The following PLD5 variants were observed in gnomAD, a reference collection of about 807,000 sequenced individuals.
PLD5 encodes inactive phospholipase D5.
Under a neutral mutation model 61.1 loss-of-function variants are expected in PLD5, and 36 were observed. That is an observed-to-expected ratio of 0.59 (90% confidence interval 0.45 to 0.78). PLD5 has a LOEUF of 0.78. PLD5 is among the 30% of genes least tolerant of loss of function. The probability of loss-of-function intolerance (pLI) is 0.00; values close to 1 mark genes in which losing one functional copy is unlikely to be tolerated. For synonymous variants in PLD5, 243 were observed against 242.8 expected, an observed-to-expected ratio of 1.00 and a Z score of -0.01; for missense variants, 515 against 644.4, an observed-to-expected ratio of 0.80 and a Z score of 2.17.
chr1:242,321,632 C>T (rs1658417504), intron 2 of PLD5, among the ~76,000 whole-genome samples: 1 of 151,606 alleles, frequency 6.6e-6, no homozygotes, highest in Non-Finnish European at 1.5e-5. Flanking sequence ...TAGCTGCTAC[C>T]TTTGCCAGCC....
intron 1 of PLD5, among the ~76,000 whole-genome samples, chr1:242,477,956 G>A (rs1433305903): frequency 6.6e-6 from 1 of 152,180 alleles, no homozygotes; most frequent in African/African-American, 2.4e-5. Flanking sequence ...TGGGTGGACG[G>A]TATCAACCTC....
chr1:242,201,630 T>G lies in PLD5; in HGVS notation c.735+18358A>C, dbSNP rs904499829. 2.6e-5 allele frequency among the ~76,000 whole-genome samples: 4 copies of G among 152,282 alleles called. No homozygotes were observed. In the South Asian group the frequency reaches 8.3e-4, roughly 32 times the overall value. On this transcript the variant is annotated intron_variant, in intron 5 of 9. Coordinates refer to ENST00000536534, the MANE Select transcript of PLD5 (RefSeq NM_001372062.1). ...TTAAACTTCCGGGTTCAAGTGATCC[T>G]CTTACCTCAGCCTCCTGAATAGCAG...
intron 5 of PLD5, among the ~76,000 whole-genome samples, chr1:242,170,631 C>T (rs147666226): frequency 3.3e-5 from 5 of 152,190 alleles, no homozygotes; most frequent in African/African-American, 1.2e-4. Context: ...CATGTTCTAA[C>T]CCAATGCAAG....
chr1:242,415,970 T>A (rs1464317532), intron 1 of PLD5, among the ~76,000 whole-genome samples: 3 of 152,178 alleles, frequency 2.0e-5, no homozygotes, highest in African/African-American at 7.2e-5. Flanking sequence ...AAATTTAACA[T>A]AAACCAAAAC....
At chr1:242,342,116 A>C (rs867768456) in intron 2 of PLD5, among the ~76,000 whole-genome samples, 3 of 152,288 alleles carry the variant, frequency 2.0e-5, no homozygotes, top group Middle Eastern at 6.8e-3. Context: ...TAATTTCCAT[A>C]TTGTCATGAG....
intron 1 of PLD5, among the ~76,000 whole-genome samples, chr1:242,444,964 C>A (rs1420610235): frequency 6.6e-6 from 1 of 151,912 alleles, no homozygotes; most frequent in African/African-American, 2.4e-5. Flanking sequence ...ACTATATAGA[C>A]CCTCAGCTTT....
intron 2 of PLD5, among the ~76,000 whole-genome samples, chr1:242,295,366 C>A (rs1675596403): frequency 6.6e-6 from 1 of 152,216 alleles, no homozygotes; most frequent in Admixed American, 6.5e-5. Context: ...TTGTTTAGCT[C>A]TCACGTGTAA....
At chr1:242,526,553 A>G (rs1416407053), upstream of PLD5, among the ~76,000 whole-genome samples, 1 of 152,116 alleles carries the variant, frequency 6.6e-6, no homozygotes, top group Non-Finnish European at 1.5e-5. Flanking sequence ...CTCCTGCTTC[A>G]ACCTCCCGAG....
intron 5 of PLD5, among the ~76,000 whole-genome samples, chr1:242,191,812 C>T (rs150521303): frequency 6.7e-6 from 1 of 149,082 alleles, no homozygotes; most frequent in African/African-American, 2.5e-5. Flanking sequence ...AACAGAGGTA[C>T]AGAGAGAATG....
At chr1:242,226,333 G>A (rs1302185318) in intron 4 of PLD5, among the ~76,000 whole-genome samples, 1 of 152,132 alleles carries the variant, frequency 6.6e-6, no homozygotes, top group Non-Finnish European at 1.5e-5. Context: ...TAGTGGCTGC[G>A]CACAGCTGCT....
chr1:242,261,180 G>C (rs1462539081), intron 4 of PLD5, among the ~76,000 whole-genome samples: 1 of 152,206 alleles, frequency 6.6e-6, no homozygotes, highest in African/African-American at 2.4e-5. Context: ...GGATAAACAA[G>C]TAGACTGAGA....
intron 5 of PLD5, among the ~76,000 whole-genome samples, chr1:242,172,104 T>G (rs1666796330): frequency 6.6e-6 from 1 of 152,226 alleles, no homozygotes; most frequent in Admixed American, 6.5e-5. Context: ...TCATTGCACT[T>G]ATTCTAAAAT....
chr1:242,333,291 T>A (rs1659301702), intron 2 of PLD5, among the ~76,000 whole-genome samples: 1 of 152,230 alleles, frequency 6.6e-6, no homozygotes, highest in African/African-American at 2.4e-5. Flanking sequence ...AGGCTTCAGA[T>A]GAATTTGGGC....
intron 1 of PLD5, among the ~76,000 whole-genome samples, chr1:242,486,047 C>T (rs1051286140): frequency 1.1e-4 from 17 of 151,876 alleles, no homozygotes; most frequent in Non-Finnish European, 2.4e-4. Flanking sequence ...TTCCTTACAC[C>T]TTATACAAAA....
At chr1:242,204,956 T>C (rs1669234401) in intron 5 of PLD5, among the ~76,000 whole-genome samples, 1 of 152,226 alleles carries the variant, frequency 6.6e-6, no homozygotes, top group Non-Finnish European at 1.5e-5. Flanking sequence ...AGTGCGTATG[T>C]TACTGAAAGC....
chr1:242,526,175 G>A (rs768181115), upstream of PLD5, among the ~76,000 whole-genome samples: 28 of 152,126 alleles, frequency 1.8e-4, 1 homozygote, highest in Non-Finnish European at 2.9e-5. Flanking sequence ...GGAGGAGGCA[G>A]GAGGATCACT....
intron 4 of PLD5, among the ~76,000 whole-genome samples, chr1:242,258,327 A>G (rs1260530162): frequency 6.6e-6 from 1 of 152,198 alleles, no homozygotes; most frequent in African/African-American, 2.4e-5. Context: ...ACTATAAAGA[A>G]GCCCTGTTGC....
rs199600845 is a variant in PLD5, at chr1:242,154,824, T to TGTCA, written c.736-30163_736-30160dup. ...AATTTTCATTTTTTTGTTTTGTCTC[T>TGTCA]GTCAGGTTTTGGTATAAGGATGATA... On this transcript the variant is annotated intron_variant, in intron 5 of 9. Transcript: ENST00000536534. Among the ~76,000 whole-genome samples, 8 of 152,246 alleles carry TGTCA rather than the reference T, an allele frequency of 5.3e-5. No homozygotes were observed. In the East Asian group the frequency reaches 1.5e-3, roughly 29 times the overall value.
At chr1:242,369,594 G>A (rs1057028618) in intron 1 of PLD5, among the ~76,000 whole-genome samples, 2 of 152,186 alleles carry the variant, frequency 1.3e-5, no homozygotes, top group Admixed American at 6.5e-5. Flanking sequence ...ATTGACAGTG[G>A]TCATCTATCA....
Sources: allele counts gnomAD v4.1 joint callset (sites outside exome capture counted in the v4.1 genomes callset), GRCh38; gene constraint gnomAD v4.1.1; transcripts MANE v1.5; gene names NCBI Gene and HGNC (gene_info 2026-07-23, HGNC 2026-07-21).